LRRC56: variants seen among roughly 807,000 people sequenced by gnomAD.
The protein encoded by LRRC56 is leucine rich repeat containing 56, also known as leucine-rich repeat-containing protein 56.
In LRRC56, 41 loss-of-function variants were observed where a neutral mutation model predicts 47.8. The ratio of observed to expected loss-of-function variants is 0.86; its 90% CI spans 0.67 to 1.11. LRRC56 has a LOEUF of 1.11. Among genes scored for constraint, LRRC56 ranks in the 50% most tolerant of loss-of-function variants. The pLI, the probability that LRRC56 is intolerant of heterozygous loss-of-function variation, is 0.00. For missense variants in LRRC56, 759 were observed against 704.2 expected (o/e 1.08, Z -0.88); for synonymous variants, 387 against 311.2 (o/e 1.24, Z -2.56).
intron 12 of LRRC56, 140 bp downstream of exon 12, chr11:552,372 G>A (rs1852449104): frequency 4.5e-6 from 6 of 1,321,538 alleles, no homozygotes; most frequent in East Asian, 2.4e-5. Flanking sequence ...GGGGATCAGG[G>A]CTGGGGCTAC....
At chr11:525,579 C>T in the LRRC56 span, among the ~76,000 whole-genome samples, 25 of 151,222 alleles carry the variant, frequency 1.7e-4, no homozygotes, top group African/African-American at 6.1e-4. Context: ...AAAAACATAA[C>T]CAAATTAAAA....
chr11:554,660 G>A lies in LRRC56; in HGVS notation c.*384G>A. The A allele has an allele frequency of 2.5e-6, 1 of 399,806 alleles. No homozygotes were observed. The highest frequency in any genetic ancestry group is 4.4e-5 in the East Asian group (1 of 22,754). 24.8% of individuals were successfully genotyped at this position (399,806 alleles called of 1,614,324 possible). A position where few individuals can be genotyped will look rare whatever the true frequency, so the allele number is the denominator to read the frequency against. On this transcript the variant is annotated 3_prime_UTR_variant, in exon 14 of 14. Coordinates refer to ENST00000270115, the MANE Select transcript of LRRC56 (RefSeq NM_198075.4). ...CTGCGAGTCCACCACTCCCTTGCCGGCCCCAGGGTAAGAGCCACCTCCTAG... is the reference window on the plus strand; with the variant it reads ...CTGCGAGTCCACCACTCCCTTGCCGACCCCAGGGTAAGAGCCACCTCCTAG...
At chr11:522,802 G>A in the LRRC56 span, among the ~76,000 whole-genome samples, 1 of 152,154 alleles carries the variant, frequency 6.6e-6, no homozygotes, top group South Asian at 2.1e-4. Flanking sequence ...AGGTTGGAGT[G>A]CAGTGGCGCA....
At chr11:533,793 T>C (rs1851272638), upstream of LRRC56, 2 of 1,613,358 alleles carry the variant, frequency 1.2e-6, no homozygotes, top group East Asian at 4.5e-5. Flanking sequence ...CTCAAAAGAC[T>C]TGGTGTTGTT....
At chr11:523,736 G>A in the LRRC56 span, among the ~76,000 whole-genome samples, 1 of 151,864 alleles carries the variant, frequency 6.6e-6, no homozygotes, top group Admixed American at 6.6e-5. Flanking sequence ...TTCAAGACCA[G>A]CCTGGCCAAT....
the LRRC56 span, among the ~76,000 whole-genome samples, chr11:527,323 G>T: frequency 2.0e-5 from 3 of 152,156 alleles, no homozygotes; most frequent in Non-Finnish European, 4.4e-5. Context: ...GCAACGTGCC[G>T]TGTGGCACTG....
chr11:540,726 C>T lies in LRRC56; in HGVS notation c.42C>T (p.Ser14=), dbSNP rs749467660. 6.2e-7 allele frequency: 1 copy of T among 1,612,594 alleles called. No homozygotes were observed. Among genetic ancestry groups the T allele is most frequent in the East Asian group, 2.2e-5 (1 of 44,874 alleles). Residue 14 remains serine, a synonymous_variant, in exon 4 of 14, where the codon AGC becomes AGT. Transcript: ENST00000270115. ...ACAGATCCCGTGGGCCTCGGCGGAG[C>T]ACCTCCAGCGTCCGGGTGCGGGAGC... ...GWDRSRGPRR[S]TSSVRVRELS...
At chr11:551,563 G>A (rs1392254125) in intron 9 of LRRC56, 88 bp from the exon 10 acceptor site, 38 of 1,384,706 alleles carry the variant, frequency 2.7e-5, no homozygotes, top group Non-Finnish European at 3.5e-5. Flanking sequence ...CATGCAGCAT[G>A]GGGATTGGGG....
At chr11:510,687 G>A in the LRRC56 span, among the ~76,000 whole-genome samples, 12 of 151,892 alleles carry the variant, frequency 7.9e-5, no homozygotes, top group Admixed American at 5.3e-4. Flanking sequence ...CTGGTGAGCC[G>A]AGATCACGCC....
chr11:554,014 C>A lies in LRRC56; in HGVS notation c.1367C>A (p.Pro456Gln), dbSNP rs200080449. The stretch of plus-strand genomic sequence containing the variant: ...CTGGTCCCTTCACCTCCCAAGCACC[C>A]AAGGCCACGAGATTCTGGCAGCAGC... Reference protein sequence around the residue: ...QHLVPSPPKHPRPRDSGSSSP... With the variant: ...QHLVPSPPKHQRPRDSGSSSP... Residue 456 changes from proline (P) to glutamine (Q), a missense_variant, in exon 14 of 14, where the codon CCA becomes CAA. Transcript: ENST00000270115. The A allele has an allele frequency of 8.9e-5, 143 of 1,612,310 alleles. 1 individual carries two copies. The Middle Eastern group carries it at 9.9e-4, about 11-fold the overall frequency.
At chr11:524,847 C>CT in the LRRC56 span, among the ~76,000 whole-genome samples, 9 of 152,118 alleles carry the variant, frequency 5.9e-5, no homozygotes, top group African/African-American at 2.2e-4. Flanking sequence ...AATCCCAGCA[C>CT]TTTGGGAGGC....
the LRRC56 span, among the ~76,000 whole-genome samples, chr11:508,239 C>T: frequency 1.3e-5 from 2 of 152,230 alleles, no homozygotes; most frequent in African/African-American, 4.8e-5. Context: ...GATCCCAGCT[C>T]GCTGCAGCCT....
chr11:529,932 GCGGCA>G, the LRRC56 span, among the ~76,000 whole-genome samples: 1 of 152,186 alleles, frequency 6.6e-6, no homozygotes, highest in African/African-American at 2.4e-5. Context: ...CCAAGGCCTA[GCGGCA>G]TGAGGGGGCT....
At position 541,725 on chromosome 11, in the gene LRRC56, C is replaced by T. The variant is rs535493673; in HGVS notation, c.265+101C>T. The T allele has an allele frequency of 2.1e-4, 149 of 726,672 alleles. No individual in the cohort carries two copies. In the South Asian group the frequency reaches 3.0e-3, roughly 15 times the overall value. 45.0% of individuals were successfully genotyped at this position (726,672 alleles called of 1,614,324 possible). On this transcript the variant is annotated intron_variant, in intron 5 of 13. Transcript: ENST00000270115. The surrounding 1 kb of genome is among the most constrained non-coding windows in gnomAD (Gnocchi z 4.1). Reference sequence around the variant, plus strand: ...TGACGACAAAGCTGTCCTCACCTCTCGGGCCGCGTATCGGCTTCCTTAGGG... The same window carrying T: ...TGACGACAAAGCTGTCCTCACCTCTTGGGCCGCGTATCGGCTTCCTTAGGG...
the LRRC56 span, among the ~76,000 whole-genome samples, chr11:517,776 CTG>C: frequency 1.3e-5 from 2 of 152,162 alleles, no homozygotes; most frequent in South Asian, 2.1e-4. Flanking sequence ...GTTACTGTGT[CTG>C]TGTAGAAAGA....
chr11:551,099 T>A, intron 8 of LRRC56, 32 bp from the exon 9 acceptor site: 1 of 1,244,356 alleles, frequency 8.0e-7, no homozygotes. Context: ...GACCCAGACC[T>A]GCCCTCCCTC....
the LRRC56 span, among the ~76,000 whole-genome samples, chr11:509,306 G>A: frequency 6.6e-6 from 1 of 152,232 alleles, no homozygotes; most frequent in African/African-American, 2.4e-5. Context: ...CTTTGCAAAA[G>A]CTGCTGAAAT....
At position 553,996 on chromosome 11, in the gene LRRC56, C is replaced by T. The variant is rs926317860; in HGVS notation, c.1349C>T (p.Pro450Leu). The T allele has an allele frequency of 1.7e-5, 28 of 1,612,168 alleles. No individual in the cohort carries two copies. Among genetic ancestry groups the T allele is most frequent in the Non-Finnish European group, 2.3e-5 (27 of 1,179,764 alleles). The stretch of plus-strand genomic sequence containing the variant: ...GGGACCTCGAGCCAGCACCTGGTCC[C>T]TTCACCTCCCAAGCACCCAAGGCCA... ...PSGTSSQHLV[P>L]SPPKHPRPRD... The change falls in exon 14 of 14, where the codon CCT (proline) becomes CTT (leucine). Residue 450 changes from proline (P) to leucine (L), a missense_variant. Transcript: ENST00000270115.
At chr11:513,025 T>C in the LRRC56 span, among the ~76,000 whole-genome samples, 1 of 152,242 alleles carries the variant, frequency 6.6e-6, no homozygotes, top group Non-Finnish European at 1.5e-5. Flanking sequence ...AAATTAAAAG[T>C]GGGTGTAAAT....
Sources: allele counts gnomAD v4.1 joint callset (sites outside exome capture counted in the v4.1 genomes callset), GRCh38; gene constraint gnomAD v4.1.1; non-coding constraint Gnocchi (gnomAD v3.1); transcripts MANE v1.5; gene names NCBI Gene and HGNC (gene_info 2026-07-23, HGNC 2026-07-21).